The following CPA6 variants were observed in gnomAD, a reference collection of about 807,000 sequenced individuals.
The protein encoded by CPA6 is carboxypeptidase A6.
A neutral mutation model predicts 63.3 loss-of-function variants in CPA6; 58 were observed. The ratio of observed to expected loss-of-function variants is 0.92; its 90% CI spans 0.74 to 1.14. The LOEUF (loss-of-function observed/expected upper bound fraction) is 1.14. Ranked by LOEUF, CPA6 falls within the 50% of genes most tolerant of loss-of-function variation. CPA6 has a pLI of 0.00. For synonymous variants in CPA6, 185 were observed against 179.0 expected, an observed-to-expected ratio of 1.03 and a Z score of -0.27; for missense variants, 565 against 526.6, an observed-to-expected ratio of 1.07 and a Z score of -0.71.
chr8:67,548,254 CTTTTTTT>C, intron 2 of CPA6, among the ~76,000 whole-genome samples: 1 of 109,808 alleles, frequency 9.1e-6, no homozygotes, highest in Non-Finnish European at 1.9e-5. Flanking sequence ...CTTTTCTTTT[CTTTTTTT>C]TTTTTCTTGA....
chr8:67,596,143 C>T lies in CPA6; in HGVS notation c.192+28033G>A, dbSNP rs535567705. ...TGATCTTTTATGTTCTATTTTTTGCCTCCATTGATTTGGAAGTTATACCTT... is the reference window on the plus strand; with the variant it reads ...TGATCTTTTATGTTCTATTTTTTGCTTCCATTGATTTGGAAGTTATACCTT... On this transcript the variant is annotated intron_variant, in intron 2 of 10. Coordinates refer to ENST00000297770, the MANE Select transcript of CPA6 (RefSeq NM_020361.5). Among the ~76,000 whole-genome samples the T allele has an allele frequency of 1.2e-4, 19 of 152,254 alleles. No homozygotes were observed. The South Asian group carries it at 3.9e-3, about 32-fold the overall frequency.
chr8:67,728,077 CA>C (rs35844429), intron 1 of CPA6, among the ~76,000 whole-genome samples: 31,008 of 89,474 alleles, frequency 0.35, 4,369 homozygotes, highest in African/African-American at 0.55. Context: ...GACTCTGTCT[CA>C]AAAAAAAAAA....
At chr8:67,574,259 C>A (rs1278400623) in intron 2 of CPA6, among the ~76,000 whole-genome samples, 1 of 151,444 alleles carries the variant, frequency 6.6e-6, no homozygotes, top group Non-Finnish European at 1.5e-5. Flanking sequence ...GAGAGTAATC[C>A]CAGCTACTCT....
chr8:67,439,077 T>C (rs1404969671), intron 8 of CPA6, among the ~76,000 whole-genome samples: 1 of 152,126 alleles, frequency 6.6e-6, no homozygotes, highest in African/African-American at 2.4e-5. Flanking sequence ...GGAGGATTGC[T>C]TGAGGCCAGG....
At chr8:67,729,590 A>G (rs1817667832) in intron 1 of CPA6, among the ~76,000 whole-genome samples, 1 of 152,230 alleles carries the variant, frequency 6.6e-6, no homozygotes, top group Non-Finnish European at 1.5e-5. Context: ...CAAAATAGTT[A>G]GTGCTACTGC....
At chr8:67,615,389 A>G (rs1384845910) in intron 2 of CPA6, among the ~76,000 whole-genome samples, 1 of 152,194 alleles carries the variant, frequency 6.6e-6, no homozygotes, top group African/African-American at 2.4e-5. Flanking sequence ...TGTATCTTGG[A>G]TCACATGTTA....
At chr8:67,672,316 C>T (rs988145747) in intron 1 of CPA6, among the ~76,000 whole-genome samples, 3 of 152,066 alleles carry the variant, frequency 2.0e-5, no homozygotes, top group Admixed American at 2.0e-4. Context: ...CATTTTCATT[C>T]CACTCCGTGT....
chr8:67,492,358 G>A (rs1472046490), intron 6 of CPA6, among the ~76,000 whole-genome samples: 1 of 152,202 alleles, frequency 6.6e-6, no homozygotes, highest in Non-Finnish European at 1.5e-5. Flanking sequence ...AGCTGATTCA[G>A]TGAAGAGACA....
In CPA6 at chr8:67,591,083, C is replaced by A. The variant is rs538330886; in HGVS notation, c.192+33093G>T. Among the ~76,000 whole-genome samples, 33 of 150,996 alleles carry A rather than the reference C, an allele frequency of 2.2e-4. No homozygotes were observed. In the South Asian group the frequency reaches 6.7e-3, roughly 31 times the overall value. ...TTGTATAAGGTGTAAGGAAGGGATC[C>A]AGTTTCAGCTTTCTACATATGGCTA... On this transcript the variant is annotated intron_variant, in intron 2 of 10. Transcript: ENST00000297770.
intron 1 of CPA6, among the ~76,000 whole-genome samples, chr8:67,738,765 AAAG>A (rs199590533): frequency 1.8e-4 from 1 of 5,640 alleles, no homozygotes; most frequent in Non-Finnish European, 4.9e-4. Flanking sequence ...ATTACGCATT[AAAG>A]CACTGTACCA....
rs1196391380 is a variant in CPA6 at position 67,607,106 on chromosome 8, T to TTCCTCC, written c.192+17064_192+17069dup. ...TTCTTCCTCTTCTTCTTCTTCTTCT[T>TTCCTCC]TCCTCCTCCTCCTCCTCCTCCTCCT... On this transcript the variant is annotated intron_variant, in intron 2 of 10. Transcript: ENST00000297770. Among the ~76,000 whole-genome samples the TTCCTCC allele has an allele frequency of 1.0e-3, 79 of 77,804 alleles. 7 individuals are homozygous for TTCCTCC. The highest frequency in any genetic ancestry group is 1.7e-3 in the African/African-American group (20 of 11,860). 51.0% of individuals were successfully genotyped at this position (77,804 alleles called of 152,430 possible). A position where few individuals can be genotyped will look rare whatever the true frequency, so the allele number is the denominator to read the frequency against.
Position 67,517,980 on chromosome 8 carries a change from G to A in CPA6, c.260C>T (p.Pro87Leu). The A allele has an allele frequency of 6.2e-7, 1 of 1,613,020 alleles. No individual in the cohort carries two copies. The highest frequency in any genetic ancestry group is 8.5e-7 in the Non-Finnish European group (1 of 1,179,604). The change falls in exon 3 of 11, where the codon CCC (proline) becomes CTC (leucine). Residue 87 changes from proline (P) to leucine (L), a missense_variant. By Grantham distance (98) the Pro-to-Leu change is moderately conservative. Transcript: ENST00000297770. ...SEGTVTDVHI[P>L]QNGSRALLAF... is the part of the protein sequence containing the mutation. ...TAACAGGGCTCGGGAACCATTTTGG[G>A]GGATATGGACATCAGTAACTGTTCC...
At chr8:67,716,975 T>A (rs977522634) in intron 1 of CPA6, among the ~76,000 whole-genome samples, 1 of 152,156 alleles carries the variant, frequency 6.6e-6, no homozygotes, top group Non-Finnish European at 1.5e-5. Flanking sequence ...GGGAGGAGTA[T>A]GTTTGTTTCT....
intron 3 of CPA6, among the ~76,000 whole-genome samples, chr8:67,517,708 CAG>C (rs1812175200): frequency 6.6e-6 from 1 of 152,192 alleles, no homozygotes; most frequent in African/African-American, 2.4e-5. Context: ...TTAGTGGTAA[CAG>C]TGAATAGTGA....
At chr8:67,427,721 G>A (rs1374061510) in intron 10 of CPA6, among the ~76,000 whole-genome samples, 1 of 152,100 alleles carries the variant, frequency 6.6e-6, no homozygotes, top group Non-Finnish European at 1.5e-5. Flanking sequence ...TCTTCCCAAG[G>A]CCCGTTTCCA....
chr8:67,715,378 G>C (rs1267779136), intron 1 of CPA6, among the ~76,000 whole-genome samples: 1 of 152,204 alleles, frequency 6.6e-6, no homozygotes, highest in Non-Finnish European at 1.5e-5. Flanking sequence ...TCACTTTACT[G>C]CTGCCTTCAT....
At chr8:67,489,571 G>C (rs1811561198) in intron 6 of CPA6, among the ~76,000 whole-genome samples, 1 of 151,934 alleles carries the variant, frequency 6.6e-6, no homozygotes, top group South Asian at 2.1e-4. Context: ...ATTTTTAACA[G>C]ATTATTTGGT....
intron 2 of CPA6, among the ~76,000 whole-genome samples, chr8:67,519,493 A>G (rs1013571529): frequency 1.3e-5 from 2 of 152,194 alleles, no homozygotes; most frequent in African/African-American, 4.8e-5. Flanking sequence ...TAGGAACTCT[A>G]GAAGACCAAA....
intron 2 of CPA6, among the ~76,000 whole-genome samples, chr8:67,611,812 C>A (rs1164657814): frequency 1.3e-5 from 2 of 152,178 alleles, no homozygotes; most frequent in Non-Finnish European, 2.9e-5. Flanking sequence ...CCAGCCCTAG[C>A]CTGCTGGCGG....
Sources: allele counts gnomAD v4.1 joint callset (sites outside exome capture counted in the v4.1 genomes callset), GRCh38; gene constraint gnomAD v4.1.1; transcripts MANE v1.5; gene names NCBI Gene and HGNC (gene_info 2026-07-23, HGNC 2026-07-21).